SEMA3D: variants seen among roughly 807,000 people sequenced by gnomAD.
SEMA3D encodes semaphorin 3D, also known as semaphorin-3D.
A neutral mutation model predicts 100.1 loss-of-function variants in SEMA3D; 84 were observed. The ratio of observed to expected loss-of-function variants is 0.84; its 90% CI spans 0.70 to 1.01. SEMA3D has a LOEUF of 1.01. SEMA3D is among the 50% of genes least tolerant of loss of function. The pLI is 0.00. For missense variants in SEMA3D, 875 were observed against 934.1 expected (o/e 0.94, Z 0.82); for synonymous variants, 312 against 320.7 (o/e 0.97, Z 0.29).
chr7:85,080,080 T>C (rs1052659670), intron 5 of SEMA3D, among the ~76,000 whole-genome samples: 3 of 152,222 alleles, frequency 2.0e-5, no homozygotes, highest in Non-Finnish European at 4.4e-5. Context: ...TTTCCGCTAA[T>C]ATAAATATGC....
At chr7:85,130,034 A>G (rs986431720) in intron 2 of SEMA3D, among the ~76,000 whole-genome samples, 2 of 152,260 alleles carry the variant, frequency 1.3e-5, no homozygotes, top group South Asian at 2.1e-4. Flanking sequence ...TTTCTTCACT[A>G]TTTAATGAAA....
At chr7:85,066,892 T>TCACACACACACACACACACACACACA (rs542898682) in intron 7 of SEMA3D, among the ~76,000 whole-genome samples, 28 of 106,904 alleles carry the variant, frequency 2.6e-4, no homozygotes, top group African/African-American at 1.1e-3. Flanking sequence ...AAATGTGCGC[T>TCACACACACACACACACACACACACA]CACACACACA....
At chr7:85,214,787 T>C in the SEMA3D span, among the ~76,000 whole-genome samples, 2 of 152,156 alleles carry the variant, frequency 1.3e-5, no homozygotes, top group African/African-American at 4.8e-5. Context: ...TGAGCCACCG[T>C]GCCCGGCCTG....
At chr7:85,247,546 G>T in the SEMA3D span, among the ~76,000 whole-genome samples, 2 of 152,196 alleles carry the variant, frequency 1.3e-5, no homozygotes. Context: ...ACCTACAAAT[G>T]ATTTCAAGTT....
Position 85,143,067 on chromosome 7 carries a change from A to T in SEMA3D, c.-41+10541T>A, listed in dbSNP as rs943968362. On this transcript the variant is annotated intron_variant, in intron 2 of 18. Transcript: ENST00000284136. ...ATGCAATAATTATTTCTAATAAGAC[A>T]AACTTACAATTAGTTATTCACAATA... is the stretch of plus-strand genomic sequence containing the variant. The T allele has an allele frequency of 4.3e-6, 4 of 931,216 alleles. No homozygotes were observed. The African/African-American group carries it at 7.1e-5, about 17-fold the overall frequency. 57.7% of individuals were successfully genotyped at this position (931,216 alleles called of 1,614,324 possible). A position where few individuals can be genotyped will look rare whatever the true frequency, so the allele number is the denominator to read the frequency against.
the SEMA3D span, among the ~76,000 whole-genome samples, chr7:85,211,433 T>G: frequency 6.6e-6 from 1 of 152,072 alleles, no homozygotes; most frequent in South Asian, 2.1e-4. Flanking sequence ...ATATTTTCTT[T>G]TATATTGATA....
intron 1 of SEMA3D, among the ~76,000 whole-genome samples, chr7:85,180,313 T>A (rs978936565): frequency 1.2e-4 from 19 of 152,274 alleles, no homozygotes; most frequent in Admixed American, 4.6e-4. Flanking sequence ...AAGAAGGACA[T>A]GTTTGCTTCC....
chr7:85,010,554 GACTA>G (rs969065024), intron 17 of SEMA3D, among the ~76,000 whole-genome samples: 4 of 151,710 alleles, frequency 2.6e-5, no homozygotes, highest in Non-Finnish European at 4.4e-5. Flanking sequence ...GAGCCAGAAG[GACTA>G]ACTGAGAGGT....
chr7:85,126,072 T>A (rs1789557798), intron 2 of SEMA3D, among the ~76,000 whole-genome samples: 1 of 152,060 alleles, frequency 6.6e-6, no homozygotes. Context: ...TTCCACTAAA[T>A]CAGAGATCCA....
At chr7:85,203,352 A>G in the SEMA3D span, among the ~76,000 whole-genome samples, 1 of 152,208 alleles carries the variant, frequency 6.6e-6, no homozygotes, top group Non-Finnish European at 1.5e-5. Flanking sequence ...TTTAACTAGA[A>G]TTGAAGTTTT....
the SEMA3D span, among the ~76,000 whole-genome samples, chr7:85,238,515 T>C: frequency 6.6e-6 from 1 of 152,190 alleles, no homozygotes; most frequent in African/African-American, 2.4e-5. Context: ...GCTACAATTA[T>C]TGTGTCAATT....
chr7:85,233,194 C>T, the SEMA3D span, among the ~76,000 whole-genome samples: 12 of 151,912 alleles, frequency 7.9e-5, no homozygotes, highest in Non-Finnish European at 1.6e-4. Context: ...TTAGAAAAAA[C>T]TCTTCAATGC....
rs1265790609 is a variant in SEMA3D at position 84,999,646 on chromosome 7, G to A, written c.2128C>T (p.Arg710Trp). 8 of 1,613,980 alleles carry A rather than the reference G, an allele frequency of 5.0e-6. No homozygotes were observed. Among genetic ancestry groups the A allele is most frequent in the Admixed American group, 1.7e-5 (1 of 59,976 alleles). ...TGGATGTAGTCTTTGTATCTCAACC[G>A]TGACTCAGCCAATAGATCCTTGACC... is the stretch of plus-strand genomic sequence containing the variant. ...GKVKDLLAES[R>W]LRYKDYIQIL... The change falls in exon 19 of 19, where the codon CGG (arginine) becomes TGG (tryptophan). Residue 710 changes from arginine to tryptophan, a missense_variant. Coordinates refer to ENST00000284136, the MANE Select transcript of SEMA3D (RefSeq NM_001384900.1).
At chr7:85,081,693 G>T in intron 4 of SEMA3D, 114 bp from the exon 5 acceptor site, 1 of 683,756 alleles carries the variant, frequency 1.5e-6, no homozygotes, top group Non-Finnish European at 2.5e-6. Flanking sequence ...TAAGCATGTT[G>T]TTAGAGTCAA....
At chr7:85,173,260 C>G (rs1488013281) in intron 1 of SEMA3D, among the ~76,000 whole-genome samples, 1 of 151,994 alleles carries the variant, frequency 6.6e-6, no homozygotes, top group Non-Finnish European at 1.5e-5. Context: ...TAAAAGTAAA[C>G]AGAAAGATGC....
At chr7:85,234,746 T>C in the SEMA3D span, among the ~76,000 whole-genome samples, 3 of 152,350 alleles carry the variant, frequency 2.0e-5, no homozygotes, top group African/African-American at 7.2e-5. Flanking sequence ...GGAACTAAAA[T>C]GATCTTGACA....
the SEMA3D span, among the ~76,000 whole-genome samples, chr7:85,201,699 T>C: frequency 6.6e-6 from 1 of 152,010 alleles, no homozygotes; most frequent in Non-Finnish European, 1.5e-5. Context: ...GGATTTCCTT[T>C]TTCATTTCCA....
At chr7:85,056,952 A>G (rs932354467) in intron 8 of SEMA3D, among the ~76,000 whole-genome samples, 3 of 149,204 alleles carry the variant, frequency 2.0e-5, no homozygotes, top group African/African-American at 7.3e-5. Context: ...TGGTTATATA[A>G]TAAGTATTTA....
At chr7:85,169,279 T>A (rs992746707) in intron 1 of SEMA3D, among the ~76,000 whole-genome samples, 3 of 151,794 alleles carry the variant, frequency 2.0e-5, no homozygotes, top group Non-Finnish European at 2.9e-5. Flanking sequence ...TTTAACAAAA[T>A]GCAGCTTGTT....
Sources: gnomAD v4.1 joint callset for allele counts (sites outside exome capture counted in the v4.1 genomes callset) on GRCh38, gnomAD v4.1.1 for gene constraint, MANE v1.5 for transcripts, NCBI Gene and HGNC (gene_info 2026-07-23, HGNC 2026-07-21) for gene names.